The following GSE1 variants were observed in gnomAD, a reference collection of about 807,000 sequenced individuals.
GSE1 encodes the protein genetic suppressor element 1.
A neutral mutation model predicts 112.6 loss-of-function variants in GSE1; 32 were observed. The ratio of observed to expected loss-of-function variants is 0.28; its 90% CI spans 0.21 to 0.38. The LOEUF is 0.38. GSE1 is among the 10% of genes least tolerant of loss of function. The probability of loss-of-function intolerance (pLI) is 1.00; values close to 1 mark genes in which losing one functional copy is unlikely to be tolerated. For missense variants in GSE1, 2,348 were observed against 1,699.2 expected (o/e 1.38, Z -6.71); for synonymous variants, 1,115 against 735.6 (o/e 1.52, Z -8.35).
At chr16:85,414,659 G>C (rs1446867600) in intron 2 of GSE1, among the ~76,000 whole-genome samples, 1 of 152,152 alleles carries the variant, frequency 6.6e-6, no homozygotes, top group African/African-American at 2.4e-5. Flanking sequence ...TCTTGAGATG[G>C]AGTCTTGCTC....
intron 1 of GSE1, among the ~76,000 whole-genome samples, chr16:85,585,862 T>G (rs1165084282): frequency 1.3e-5 from 2 of 152,214 alleles, no homozygotes; most frequent in Non-Finnish European, 2.9e-5. Flanking sequence ...AGTGTGGACT[T>G]GGAGCCAGCC....
At chr16:85,260,661 G>C (rs1469969545) in intron 1 of GSE1, among the ~76,000 whole-genome samples, 1 of 152,220 alleles carries the variant, frequency 6.6e-6, no homozygotes, top group African/African-American at 2.4e-5. Context: ...TCTGGTAGGA[G>C]CTGTTCCCAG....
chr16:85,672,767 C>T lies in GSE1; in HGVS notation c.*228C>T. On this transcript the variant is annotated 3_prime_UTR_variant, in exon 16 of 16. Transcript: ENST00000253458. ...CGAGCAACCAATGTAGGATTGCCCA[C>T]AGTTTTTCTTTTTAAAGGTGGTTTT... is the stretch of plus-strand genomic sequence containing the variant. 1 of 356,220 alleles carries T rather than the reference C, an allele frequency of 2.8e-6. No individual in the cohort carries two copies. Among genetic ancestry groups the T allele is most frequent in the Middle Eastern group, 7.4e-4 (1 of 1,350 alleles). The allele number at this position is 356,220 out of a possible 1,614,324, so 22.1% of individuals were successfully genotyped here.
At chr16:85,516,377 C>G (rs1390004760) in intron 2 of GSE1, among the ~76,000 whole-genome samples, 1 of 147,078 alleles carries the variant, frequency 6.8e-6, no homozygotes, top group African/African-American at 2.6e-5. Context: ...GTGGTGTGGC[C>G]CGGGGTGGTG....
At chr16:85,664,914 A>T (rs2052714425) in intron 11 of GSE1, 101 bp from the exon 12 acceptor site, 1 of 777,950 alleles carries the variant, frequency 1.3e-6, no homozygotes, top group Non-Finnish European at 2.2e-6. Flanking sequence ...TTCGGGCTTT[A>T]GTGCTTTGCC....
At chr16:85,191,551 C>CAGCT (rs2074820820) in intron 1 of GSE1, among the ~76,000 whole-genome samples, 1 of 152,334 alleles carries the variant, frequency 6.6e-6, no homozygotes, top group Admixed American at 6.5e-5. Context: ...GAGGCAGAGA[C>CAGCT]AGCTGATCTT....
chr16:85,262,601 C>G (rs1444735204), intron 1 of GSE1, among the ~76,000 whole-genome samples: 1 of 152,224 alleles, frequency 6.6e-6, no homozygotes, highest in African/African-American at 2.4e-5. Flanking sequence ...AGGAGAAGGA[C>G]GCAAGGCCAG....
intron 1 of GSE1, among the ~76,000 whole-genome samples, chr16:85,575,152 G>GC (rs1567606420): frequency 6.6e-6 from 1 of 151,924 alleles, no homozygotes; most frequent in Non-Finnish European, 1.5e-5. Context: ...CAGAATGTCA[G>GC]AGGCACGCAC....
chr16:85,196,173 TG>T (rs2074923282), intron 1 of GSE1, among the ~76,000 whole-genome samples: 1 of 152,072 alleles, frequency 6.6e-6, no homozygotes, highest in Non-Finnish European at 1.5e-5. Context: ...CTTTTGGACT[TG>T]GGGGTTGTGG....
At chr16:85,281,405 C>G (rs1054203220) in intron 1 of GSE1, among the ~76,000 whole-genome samples, 2 of 152,072 alleles carry the variant, frequency 1.3e-5, no homozygotes, top group Admixed American at 6.5e-5. Context: ...CTCACAGCAG[C>G]TCTCCAAAGG....
chr16:85,217,951 A>T (rs929090125), intron 1 of GSE1, among the ~76,000 whole-genome samples: 3 of 152,034 alleles, frequency 2.0e-5, no homozygotes, highest in African/African-American at 7.2e-5. Context: ...ACGACGCTGG[A>T]GTGCAGTGGC....
rs186193584 is a variant in GSE1, at chr16:85,334,192, A to C, written c.2284-23271A>C. Among the ~76,000 whole-genome samples, 250 of 152,230 alleles carry C rather than the reference A, an allele frequency of 1.6e-3. 1 individual carries two copies. Among genetic ancestry groups the C allele is most frequent in the African/African-American group, 4.7e-3 (195 of 41,540 alleles). ...TCGGCACTCCTCTACTCTATGATCGACTTGGCTCCCTACTGCCCACGGACC... is the reference window on the plus strand; with the variant it reads ...TCGGCACTCCTCTACTCTATGATCGCCTTGGCTCCCTACTGCCCACGGACC... On this transcript the variant is annotated intron_variant, in intron 1 of 2. Coordinates refer to the GSE1 transcript ENST00000637419.
chr16:85,326,491 T>C (rs1368268686), intron 1 of GSE1, among the ~76,000 whole-genome samples: 1 of 152,200 alleles, frequency 6.6e-6, no homozygotes, highest in African/African-American at 2.4e-5. Context: ...GATTGGATCT[T>C]GGGGGCGTTT....
intron 2 of GSE1, among the ~76,000 whole-genome samples, chr16:85,518,427 C>T (rs2052027095): frequency 6.6e-6 from 1 of 152,130 alleles, no homozygotes; most frequent in African/African-American, 2.4e-5. Context: ...CACAGGGATG[C>T]AACTGTGTGT....
intron 1 of GSE1, among the ~76,000 whole-genome samples, chr16:85,303,554 C>T (rs189630551): frequency 6.6e-6 from 1 of 152,374 alleles, no homozygotes; most frequent in East Asian, 1.9e-4. Flanking sequence ...TTCCCGACAA[C>T]TGAGGGTGGC....
intron 2 of GSE1, among the ~76,000 whole-genome samples, chr16:85,470,122 C>T (rs544908003): frequency 9.2e-5 from 14 of 152,336 alleles, no homozygotes; most frequent in Admixed American, 2.0e-4. Context: ...ATCCATGTTC[C>T]GCTTTTTATC....
At chr16:85,542,329 G>A (rs1488799168) in intron 2 of GSE1, among the ~76,000 whole-genome samples, 1 of 152,194 alleles carries the variant, frequency 6.6e-6, no homozygotes, top group Non-Finnish European at 1.5e-5. Context: ...ATTAATCATG[G>A]GCTTACCGAG....
intron 2 of GSE1, among the ~76,000 whole-genome samples, chr16:85,479,220 G>A (rs1245186204): frequency 3.1e-5 from 3 of 98,352 alleles, no homozygotes. Flanking sequence ...TTTTAGTAGA[G>A]ACGGGGTTTC....
chr16:85,543,523 G>C (rs577129920), intron 2 of GSE1, among the ~76,000 whole-genome samples: 1 of 152,300 alleles, frequency 6.6e-6, no homozygotes, highest in East Asian at 1.9e-4. Context: ...AGCCCTGCTG[G>C]GGGGCAGGCC....
Sources: gnomAD v4.1 joint callset for allele counts (sites outside exome capture counted in the v4.1 genomes callset) on GRCh38, gnomAD v4.1.1 for gene constraint, MANE v1.5 for transcripts, NCBI Gene and HGNC (gene_info 2026-07-23, HGNC 2026-07-21) for gene names.